Variants in NBAS observed in about 807,000 individuals in gnomAD.
NBAS encodes the protein NBAS subunit of NRZ tethering complex, also known as NAG/BC035112 fusion.
NBAS carries 219 observed loss-of-function variants against 302.5 expected under a neutral mutation model. The ratio of observed to expected loss-of-function variants is 0.72; its 90% CI spans 0.65 to 0.81. The LOEUF (loss-of-function observed/expected upper bound fraction) is 0.81. Ranked by LOEUF, NBAS falls within the 30% of genes least tolerant of loss-of-function variation. The pLI, the probability that NBAS is intolerant of heterozygous loss-of-function variation, is 0.00. For synonymous variants in NBAS, 1,118 were observed against 1,021.6 expected, an observed-to-expected ratio of 1.09 and a Z score of -1.80; for missense variants, 2,932 against 2,841.6, an observed-to-expected ratio of 1.03 and a Z score of -0.72.
At chr2:14,829,732 A>G in the NBAS span, among the ~76,000 whole-genome samples, 2 of 152,042 alleles carry the variant, frequency 1.3e-5, no homozygotes, top group East Asian at 3.9e-4. Context: ...AGCTGGCACA[A>G]CTCCCTCAGG....
At chr2:15,352,615 T>C (rs1673418808) in intron 34 of NBAS, among the ~76,000 whole-genome samples, 1 of 152,156 alleles carries the variant, frequency 6.6e-6, no homozygotes, top group African/African-American at 2.4e-5. Flanking sequence ...GGGTGGGTTG[T>C]GCACACGTGC....
intron 44 of NBAS, among the ~76,000 whole-genome samples, chr2:15,262,717 C>T (rs1283860450): frequency 6.6e-6 from 1 of 152,118 alleles, no homozygotes; most frequent in African/African-American, 2.4e-5. Flanking sequence ...TGTCTATGTT[C>T]ATTTAAAATT....
chr2:15,280,803 A>G (rs890469184), intron 42 of NBAS, among the ~76,000 whole-genome samples: 5 of 152,180 alleles, frequency 3.3e-5, no homozygotes, highest in East Asian at 1.9e-4. Context: ...ACCATTGACT[A>G]CTGAGCAACA....
intron 6 of NBAS, among the ~76,000 whole-genome samples, chr2:15,541,494 T>C (rs927096616): frequency 6.6e-6 from 1 of 152,124 alleles, no homozygotes; most frequent in Admixed American, 6.5e-5. Context: ...ATACATATTC[T>C]AGGGAATATA....
intron 21 of NBAS, among the ~76,000 whole-genome samples, chr2:15,442,507 G>A (rs1433345064): frequency 2.0e-5 from 3 of 152,042 alleles, no homozygotes; most frequent in African/African-American, 7.3e-5. Flanking sequence ...AAAGCAGTGT[G>A]TAGTGGGAAA....
At chr2:15,404,864 A>G (rs754802906) in intron 25 of NBAS, among the ~76,000 whole-genome samples, 4 of 152,094 alleles carry the variant, frequency 2.6e-5, no homozygotes, top group South Asian at 4.2e-4. Flanking sequence ...TTGACCACAT[A>G]TGTTCAAACT....
At chr2:15,296,777 G>T (rs928991133) in intron 40 of NBAS, among the ~76,000 whole-genome samples, 7 of 152,120 alleles carry the variant, frequency 4.6e-5, no homozygotes, top group Non-Finnish European at 8.8e-5. Flanking sequence ...AGTTCAAGCT[G>T]CAGTGAGCTA....
the NBAS span, chr2:14,890,673 C>G: frequency 0.04 from 6,130 of 152,206 alleles, 145 homozygotes; most frequent in Non-Finnish European, 0.052. Context: ...CAAAAATTAG[C>G]CGGGCATGGT....
At chr2:14,825,803 A>G in the NBAS span, among the ~76,000 whole-genome samples, 1 of 152,222 alleles carries the variant, frequency 6.6e-6, no homozygotes, top group Non-Finnish European at 1.5e-5. Context: ...GAACTTAATG[A>G]GACTTCATAA....
the NBAS span, among the ~76,000 whole-genome samples, chr2:14,899,925 T>C: frequency 1.5e-4 from 23 of 152,130 alleles, no homozygotes; most frequent in Non-Finnish European, 2.5e-4. Context: ...AAGTAAAAGT[T>C]GGCTTACAAG....
the NBAS span, among the ~76,000 whole-genome samples, chr2:14,904,898 A>T: frequency 7.7e-6 from 1 of 130,258 alleles, no homozygotes; most frequent in Non-Finnish European, 1.6e-5. Flanking sequence ...AAATACAAAA[A>T]ATTAGCCAGG....
intron 30 of NBAS, among the ~76,000 whole-genome samples, chr2:15,375,864 A>T (rs1674709688): frequency 1.3e-5 from 2 of 152,142 alleles, no homozygotes; most frequent in South Asian, 4.1e-4. Context: ...AAAAGGAATA[A>T]AATAGAACTG....
At chr2:14,831,750 T>C in the NBAS span, among the ~76,000 whole-genome samples, 1 of 152,182 alleles carries the variant, frequency 6.6e-6, no homozygotes, top group Admixed American at 6.5e-5. Flanking sequence ...ACTTCACTTC[T>C]CTTAACTCTA....
intron 21 of NBAS, among the ~76,000 whole-genome samples, chr2:15,435,605 C>T (rs1312844100): frequency 6.6e-6 from 1 of 152,178 alleles, no homozygotes; most frequent in Non-Finnish European, 1.5e-5. Context: ...TGAACCCAGG[C>T]AGTCCGGTTC....
chr2:14,814,386 G>A, the NBAS span, among the ~76,000 whole-genome samples: 80 of 152,320 alleles, frequency 5.3e-4, 1 homozygote, highest in African/African-American at 1.8e-3. Flanking sequence ...AGATCCACAG[G>A]GGCAAAGCTA....
At chr2:15,089,354 A>T in the NBAS span, among the ~76,000 whole-genome samples, 1 of 152,158 alleles carries the variant, frequency 6.6e-6, no homozygotes, top group Non-Finnish European at 1.5e-5. Flanking sequence ...GAAGTATTTT[A>T]AAATTCATAA....
chr2:15,552,896 C>T (rs1424173790), intron 5 of NBAS, among the ~76,000 whole-genome samples: 1 of 151,854 alleles, frequency 6.6e-6, no homozygotes, highest in Admixed American at 6.6e-5. Context: ...TCACTGCCTC[C>T]CAGGTTCAAG....
chr2:15,375,492 G>A (rs1674691144), intron 30 of NBAS, among the ~76,000 whole-genome samples: 1 of 152,118 alleles, frequency 6.6e-6, no homozygotes, highest in Admixed American at 6.6e-5. Context: ...CCCCAGTATG[G>A]CATCCATATG....
the NBAS span, among the ~76,000 whole-genome samples, chr2:15,072,855 G>A: frequency 4.6e-5 from 7 of 152,286 alleles, no homozygotes; most frequent in South Asian, 1.0e-3. Flanking sequence ...CAGGCCAGGC[G>A]CAGAGGCTCA....
Sources: allele counts gnomAD v4.1 joint callset (sites outside exome capture counted in the v4.1 genomes callset), GRCh38; gene constraint gnomAD v4.1.1; transcripts MANE v1.5; gene names NCBI Gene and HGNC (gene_info 2026-07-23, HGNC 2026-07-21).